Variants in KREMEN1 observed in about 807,000 individuals in gnomAD.
KREMEN1 encodes kringle containing transmembrane protein 1.
In KREMEN1, 30 loss-of-function variants were observed where a neutral mutation model predicts 46.5. That is an observed-to-expected ratio of 0.65 (90% CI 0.48 to 0.88). KREMEN1 has a LOEUF of 0.88. KREMEN1 is among the 40% of genes least tolerant of loss of function. The pLI is 0.00. For synonymous variants in KREMEN1, 214 were observed against 230.6 expected, an observed-to-expected ratio of 0.93 and a Z score of 0.65; for missense variants, 533 against 596.9, an observed-to-expected ratio of 0.89 and a Z score of 1.11.
chr22:29,128,631 G>T lies in KREMEN1; in HGVS notation c.631+3215G>T, dbSNP rs145544580. 9.0e-3 allele frequency among the ~76,000 whole-genome samples: 1,363 copies of T among 152,284 alleles called. 14 individuals carry two copies. The highest frequency in any genetic ancestry group is 0.031 in the African/African-American group (1,301 of 41,540). ...AAAGAGTACTGGCCCTCACATAAAG[G>T]TGCACTGAAGTGAATTAATTATAAC... On this transcript the variant is annotated intron_variant, in intron 5 of 8. Transcript: ENST00000400335.
Position 29,142,352 on chromosome 22 carries a change from G to A in KREMEN1, c.*240G>A, listed in dbSNP as rs1158528924. The A allele has an allele frequency of 1.5e-5, 18 of 1,205,328 alleles. No homozygotes were observed. The highest frequency in any genetic ancestry group is 3.3e-4 in the Middle Eastern group (1 of 3,054). 74.7% of individuals were successfully genotyped at this position (1,205,328 alleles called of 1,614,324 possible). On this transcript the variant is annotated 3_prime_UTR_variant, in exon 9 of 9. Coordinates refer to ENST00000400335, the MANE Select transcript of KREMEN1 (RefSeq NM_001039570.3). ...AGAGAGACTCAAAGCCCTGGGGCCC[G>A]GCCCTCTCTGCATCTCTCTCTGATC... is the stretch of plus-strand genomic sequence containing the variant.
At chr22:29,079,770 CATATT>C (rs1373437096) in intron 1 of KREMEN1, among the ~76,000 whole-genome samples, 1 of 152,210 alleles carries the variant, frequency 6.6e-6, no homozygotes, top group African/African-American at 2.4e-5. Context: ...TCCAAACAGA[CATATT>C]AGATGGCTGT....
chr22:29,130,483 T>C (rs896341784), intron 5 of KREMEN1, among the ~76,000 whole-genome samples: 8 of 152,186 alleles, frequency 5.3e-5, no homozygotes, highest in Non-Finnish European at 1.0e-4. Flanking sequence ...AAGATTAAAG[T>C]GTATCCCTTA....
intron 3 of KREMEN1, among the ~76,000 whole-genome samples, chr22:29,119,178 T>C (rs1009093878): frequency 6.6e-6 from 1 of 152,068 alleles, no homozygotes; most frequent in African/African-American, 2.4e-5. Context: ...TGAGACCCCA[T>C]CTCAATTCAA....
intron 1 of KREMEN1, among the ~76,000 whole-genome samples, chr22:29,081,361 G>T (rs907527159): frequency 6.6e-6 from 1 of 152,106 alleles, no homozygotes; most frequent in Non-Finnish European, 1.5e-5. Context: ...ATTACAGGAT[G>T]CCCAATTAAG....
Position 29,143,494 on chromosome 22 carries a change from G to A in KREMEN1, c.*1382G>A. 2 of 977,640 alleles carry A rather than the reference G, an allele frequency of 2.0e-6. No homozygotes were observed. The highest frequency in any genetic ancestry group is 2.4e-6 in the Non-Finnish European group (2 of 822,842). The allele number at this position is 977,640 out of a possible 1,614,324, so 60.6% of individuals were successfully genotyped here. A position where few individuals can be genotyped will look rare whatever the true frequency, so the allele number is the denominator to read the frequency against. ...GCGGTGGCTCATGCCTGTAATCCCA[G>A]CACTTTGGGAGGCTGAGGCGGGTGG... On this transcript the variant is annotated 3_prime_UTR_variant, in exon 9 of 9. Transcript: ENST00000400335.
Position 29,125,325 on chromosome 22 carries a change from C to T in KREMEN1, c.540C>T (p.Tyr180=), listed in dbSNP as rs753289945. 7.4e-6 allele frequency: 12 copies of T among 1,614,116 alleles called. No homozygotes were observed. Among genetic ancestry groups the T allele is most frequent in the Admixed American group, 6.7e-5 (4 of 60,018 alleles). The change falls in exon 5 of 9, where the codon TAC becomes TAT. Residue 180 remains tyrosine (Y), a synonymous_variant. Coordinates refer to ENST00000400335, the MANE Select transcript of KREMEN1 (RefSeq NM_001039570.3). The stretch of plus-strand genomic sequence containing the variant: ...GAAACAATCCTGATTACTGGAAGTA[C>T]GGGGAGGCAGCCAGTACCGAATGCA... ...FCGNNPDYWK[Y]GEAASTECNS...
chr22:29,155,924 A>C (rs1031771818), intron 9 of KREMEN1, among the ~76,000 whole-genome samples: 1 of 151,846 alleles, frequency 6.6e-6, no homozygotes. Flanking sequence ...GTGCCACTGC[A>C]TTCCAGCCTG....
chr22:29,118,409 G>T (rs183819792), intron 3 of KREMEN1, among the ~76,000 whole-genome samples: 1 of 152,242 alleles, frequency 6.6e-6, no homozygotes, highest in African/African-American at 2.4e-5. Flanking sequence ...AGGAAGGGGG[G>T]ATCTGTCTTA....
intron 3 of KREMEN1, 125 bp from the exon 4 acceptor site, chr22:29,121,232 G>A: frequency 9.1e-7 from 1 of 1,095,420 alleles, no homozygotes; most frequent in Non-Finnish European, 1.3e-6. Flanking sequence ...GTTGCTTGTT[G>A]TTTATTTGTA....
chr22:29,143,409 G>A lies in KREMEN1; in HGVS notation c.*1297G>A. On this transcript the variant is annotated 3_prime_UTR_variant, in exon 9 of 9. Coordinates refer to ENST00000400335, the MANE Select transcript of KREMEN1 (RefSeq NM_001039570.3). ...CAGCACTATATGAGACATGGGGCCT[G>A]TGGTCCTTCCTTCTGGTGTCCCCCG... is the stretch of plus-strand genomic sequence containing the variant. 12 of 985,436 alleles carry A rather than the reference G, an allele frequency of 1.2e-5. No homozygotes were observed. Among genetic ancestry groups the A allele is most frequent in the Non-Finnish European group, 1.4e-5 (12 of 829,988 alleles). 61.0% of individuals were successfully genotyped at this position (985,436 alleles called of 1,614,324 possible). A position where few individuals can be genotyped will look rare whatever the true frequency, so the allele number is the denominator to read the frequency against.
intron 5 of KREMEN1, among the ~76,000 whole-genome samples, chr22:29,125,736 G>C (rs1046445882): frequency 1.8e-4 from 28 of 151,922 alleles, no homozygotes; most frequent in Admixed American, 1.8e-3. Flanking sequence ...TAACAATCCA[G>C]TATCAGCTTT....
intron 3 of KREMEN1, among the ~76,000 whole-genome samples, chr22:29,101,209 G>A (rs2037969835): frequency 7.6e-6 from 1 of 131,144 alleles, no homozygotes; most frequent in East Asian, 2.2e-4. Context: ...CTGAGATCAT[G>A]CCACTGCACT....
chr22:29,109,013 C>T (rs2038102740), intron 3 of KREMEN1, among the ~76,000 whole-genome samples: 1 of 152,184 alleles, frequency 6.6e-6, no homozygotes, highest in Non-Finnish European at 1.5e-5. Flanking sequence ...TGGTCTCAAA[C>T]TCCTGGGCTC....
downstream of KREMEN1, among the ~76,000 whole-genome samples, chr22:29,147,303 C>T (rs1413227913): frequency 1.3e-5 from 2 of 152,190 alleles, no homozygotes; most frequent in Non-Finnish European, 2.9e-5. Flanking sequence ...TCCTCTCCAC[C>T]CCCTTCTTGC....
intron 5 of KREMEN1, among the ~76,000 whole-genome samples, chr22:29,127,235 G>T (rs183996689): frequency 1.4e-4 from 21 of 152,288 alleles, no homozygotes; most frequent in Middle Eastern, 3.4e-3. Context: ...GACATGGACA[G>T]GATAAATAAC....
chr22:29,114,467 C>T (rs975726104), intron 3 of KREMEN1, among the ~76,000 whole-genome samples: 11 of 107,906 alleles, frequency 1.0e-4, no homozygotes, highest in Non-Finnish European at 1.9e-4. Context: ...GCCTGTGCAA[C>T]AAGAGTGAAA....
intron 3 of KREMEN1, among the ~76,000 whole-genome samples, chr22:29,112,472 A>G (rs1341291027): frequency 6.6e-6 from 1 of 152,168 alleles, no homozygotes; most frequent in Non-Finnish European, 1.5e-5. Flanking sequence ...TTCAAATGTA[A>G]CAATGTTTAG....
At chr22:29,125,146 A>C in intron 4 of KREMEN1, 117 bp from the exon 5 acceptor site, 2 of 1,111,992 alleles carry the variant, frequency 1.8e-6, no homozygotes, top group Non-Finnish European at 2.7e-6. Context: ...GTCCCAGGGG[A>C]AGGGACCCTG....
Sources: gnomAD v4.1 joint callset for allele counts (sites outside exome capture counted in the v4.1 genomes callset) on GRCh38, gnomAD v4.1.1 for gene constraint, MANE v1.5 for transcripts, NCBI Gene and HGNC (gene_info 2026-07-23, HGNC 2026-07-21) for gene names.